The following PKHD1 variants were observed in gnomAD, a reference collection of about 807,000 sequenced individuals.
The protein encoded by PKHD1 is PKHD1 ciliary IPT domain containing fibrocystin/polyductin, also known as fibrocystin.
In PKHD1, 291 loss-of-function variants were observed where a neutral mutation model predicts 412.0. That is an observed-to-expected ratio of 0.71 (90% CI 0.64 to 0.78). PKHD1 has a LOEUF of 0.78. PKHD1 is among the 30% of genes least tolerant of loss of function. The pLI is 0.00. For missense variants in PKHD1, 4,825 were observed against 4,950.7 expected, an observed-to-expected ratio of 0.97 and a Z score of 0.76; for synonymous variants, 1,777 against 1,821.5, an observed-to-expected ratio of 0.98 and a Z score of 0.62.
At chr6:52,038,403 G>A (rs947186113) in intron 27 of PKHD1, among the ~76,000 whole-genome samples, 12 of 151,636 alleles carry the variant, frequency 7.9e-5, no homozygotes, top group African/African-American at 2.9e-4. Flanking sequence ...TGGCAGGGGT[G>A]TGCAAGGGGG....
chr6:51,775,281 G>A (rs1178961986), intron 54 of PKHD1, among the ~76,000 whole-genome samples: 2 of 151,730 alleles, frequency 1.3e-5, no homozygotes, highest in African/African-American at 4.8e-5. Context: ...CTTTAAATCT[G>A]ATGAACATTC....
intron 60 of PKHD1, among the ~76,000 whole-genome samples, chr6:51,724,567 A>C (rs1396273978): frequency 6.6e-6 from 1 of 152,110 alleles, no homozygotes; most frequent in African/African-American, 2.4e-5. Flanking sequence ...CTCTACTATT[A>C]CTATCTATCT....
chr6:52,047,926 T>C lies in PKHD1; in HGVS notation c.2407+566A>G, dbSNP rs113057046. ...TGGCTAAGGGTCTTGAGAGGAAAAA[T>C]CTGTCCTAGATTATCCCAGGTGGAC... On this transcript the variant is annotated intron_variant, in intron 23 of 66. Coordinates refer to ENST00000371117, the MANE Select transcript of PKHD1 (RefSeq NM_138694.4). Among the ~76,000 whole-genome samples the C allele has an allele frequency of 3.5e-3, 528 of 152,262 alleles. 3 individuals are homozygous for C. The highest frequency in any genetic ancestry group is 0.012 in the African/African-American group (508 of 41,550).
intron 55 of PKHD1, among the ~76,000 whole-genome samples, chr6:51,766,691 T>C (rs1170346856): frequency 2.7e-5 from 4 of 149,572 alleles, no homozygotes; most frequent in Non-Finnish European, 5.9e-5. Context: ...AAATATTTTC[T>C]TTTTTTTTAA....
chr6:51,833,300 T>C (rs961874594), intron 51 of PKHD1, among the ~76,000 whole-genome samples: 1 of 152,194 alleles, frequency 6.6e-6, no homozygotes, highest in Admixed American at 6.5e-5. Flanking sequence ...ACACAGTCTT[T>C]AGTTGGACAA....
At chr6:51,844,219 A>T (rs1489570829) in intron 50 of PKHD1, among the ~76,000 whole-genome samples, 1 of 152,202 alleles carries the variant, frequency 6.6e-6, no homozygotes, top group Non-Finnish European at 1.5e-5. Flanking sequence ...CTTGCTGTGT[A>T]AACAAAGCCA....
rs774570785 is a variant in PKHD1 at position 52,028,297 on chromosome 6, T to A, written c.3419A>T (p.Asp1140Val). 1.1e-5 allele frequency: 17 copies of A among 1,613,972 alleles called. No individual in the cohort carries two copies. In the Admixed American group the frequency reaches 1.8e-4, roughly 17 times the overall value. Residue 1140 changes from aspartate to valine, a missense_variant, in exon 30 of 67, where the codon GAT becomes GTT. Physicochemically the swap from Asp to Val is radical, Grantham distance 152 (BLOSUM62 -3). Transcript: ENST00000371117. ...VARLMNYTDL[D>V]VEVHVQDALA... The stretch of plus-strand genomic sequence containing the variant: ...GGCATCCTGGACGTGGACTTCCACA[T>A]CCAAATCCGTATAGTTCATCAGCCT...
chr6:51,760,988 T>C (rs1787908977), intron 55 of PKHD1, among the ~76,000 whole-genome samples: 1 of 152,074 alleles, frequency 6.6e-6, no homozygotes, highest in South Asian at 2.1e-4. Flanking sequence ...TTAGTAGAAA[T>C]GTAAATTAGT....
chr6:52,083,258 G>C lies in PKHD1; in HGVS notation c.53-3C>G. On this transcript the variant is annotated splice_polypyrimidine_tract_variant and splice_region_variant and intron_variant, in intron 2 of 66. Coordinates refer to ENST00000371117, the MANE Select transcript of PKHD1 (RefSeq NM_138694.4). The stretch of plus-strand genomic sequence containing the variant: ...AATATGTAAACTCAGGTGACGTACT[G>C]TAAGTAAGTGAAAAAAAACATTGGT... The C allele has an allele frequency of 1.9e-6, 3 of 1,587,916 alleles. No homozygotes were observed. The South Asian group carries it at 3.3e-5, about 18-fold the overall frequency.
chr6:51,634,750 AAGAC>A (rs904435234), intron 64 of PKHD1, among the ~76,000 whole-genome samples: 17 of 152,176 alleles, frequency 1.1e-4, no homozygotes, highest in African/African-American at 3.6e-4. Context: ...TACATAAACA[AAGAC>A]AGAGAGGAGA....
intron 60 of PKHD1, among the ~76,000 whole-genome samples, chr6:51,664,618 TC>T (rs1218656157): frequency 6.6e-6 from 1 of 152,212 alleles, no homozygotes. Flanking sequence ...TTACTATGGC[TC>T]CTCTCTCTAG....
chr6:51,665,533 A>G (rs1235802042), intron 60 of PKHD1, among the ~76,000 whole-genome samples: 1 of 152,164 alleles, frequency 6.6e-6, no homozygotes, highest in African/African-American at 2.4e-5. Context: ...TTTTTACCTT[A>G]GAGTTTTGAC....
At chr6:51,733,413 G>T (rs573615839) in intron 60 of PKHD1, among the ~76,000 whole-genome samples, 1 of 151,800 alleles carries the variant, frequency 6.6e-6, no homozygotes, top group Admixed American at 6.6e-5. Flanking sequence ...GGTGGTGGGA[G>T]CCTGTAGTCC....
chr6:51,729,736 C>A (rs182224416), intron 60 of PKHD1, among the ~76,000 whole-genome samples: 5 of 152,054 alleles, frequency 3.3e-5, no homozygotes, highest in Admixed American at 6.6e-5. Context: ...TTAATTATTG[C>A]AAATATGATT....
intron 52 of PKHD1, among the ~76,000 whole-genome samples, chr6:51,798,905 G>C (rs894884662): frequency 1.3e-5 from 2 of 152,102 alleles, no homozygotes; most frequent in Non-Finnish European, 2.9e-5. Context: ...ATAAAAGTAT[G>C]ATAGTAGGTG....
chr6:52,013,340 G>C (rs576861084), intron 34 of PKHD1, among the ~76,000 whole-genome samples: 1 of 152,238 alleles, frequency 6.6e-6, no homozygotes, highest in South Asian at 2.1e-4. Context: ...CTTTCTGTTA[G>C]CTTGGACTTT....
chr6:51,899,112 T>C (rs2127600465), intron 43 of PKHD1, among the ~76,000 whole-genome samples: 1 of 152,278 alleles, frequency 6.6e-6, no homozygotes, highest in East Asian at 1.9e-4. Context: ...TACCATTCCT[T>C]CTGAAACTAT....
rs1561991859 is a variant in PKHD1 at position 51,632,712 on chromosome 6, T to C, written c.11518A>G (p.Thr3840Ala). Residue 3840 changes from threonine to alanine, a missense_variant, in exon 65 of 67, where the codon ACA becomes GCA. Thr to Ala is a moderately conservative substitution (Grantham distance 58). Transcript: ENST00000371117. ...TVTSPPGVNF[T>A]ARSKPFAVLP... ...ACAGCAAATGGCTTGGATCGAGCTG[T>C]AAAATTGACTCCTGTGGCGGGGAAA... 3.1e-6 allele frequency: 5 copies of C among 1,613,094 alleles called. No individual in the cohort carries two copies. Among genetic ancestry groups the C allele is most frequent in the Non-Finnish European group, 4.2e-6 (5 of 1,179,290 alleles).
At chr6:52,043,928 G>A (rs953922077) in intron 25 of PKHD1, among the ~76,000 whole-genome samples, 198 bp from the exon 26 acceptor site, 1 of 152,120 alleles carries the variant, frequency 6.6e-6, no homozygotes, top group African/African-American at 2.4e-5. Context: ...TAAAATGATG[G>A]TGGACATGCT....
Sources: allele counts gnomAD v4.1 joint callset (sites outside exome capture counted in the v4.1 genomes callset), GRCh38; gene constraint gnomAD v4.1.1; transcripts MANE v1.5; gene names NCBI Gene and HGNC (gene_info 2026-07-23, HGNC 2026-07-21).